LNX1: variants seen among roughly 807,000 people sequenced by gnomAD.
LNX1 encodes ligand of numb-protein X 1.
In LNX1, 54 loss-of-function variants were observed where a neutral mutation model predicts 68.4. The ratio of observed to expected loss-of-function variants is 0.79; its 90% CI spans 0.63 to 0.99. LNX1 has a LOEUF of 0.99. LNX1 is among the 50% of genes least tolerant of loss of function. The probability of loss-of-function intolerance (pLI) is 0.00; values close to 1 mark genes in which losing one functional copy is unlikely to be tolerated. For missense variants in LNX1, 906 were observed against 926.4 expected, an observed-to-expected ratio of 0.98 and a Z score of 0.29; for synonymous variants, 336 against 350.0, an observed-to-expected ratio of 0.96 and a Z score of 0.45.
At chr4:53,526,450 C>CTT (rs5858219) in intron 2 of LNX1, among the ~76,000 whole-genome samples, 4 of 151,768 alleles carry the variant, frequency 2.6e-5, no homozygotes, top group Non-Finnish European at 4.4e-5. Flanking sequence ...AGAATGCCTA[C>CTT]TTTTTGGAAG....
At chr4:53,545,008 T>C (rs576563660) in intron 2 of LNX1, among the ~76,000 whole-genome samples, 1 of 152,102 alleles carries the variant, frequency 6.6e-6, no homozygotes, top group Admixed American at 6.5e-5. Context: ...GTGGAGGGAG[T>C]GGTACCCAGA....
intron 1 of LNX1, among the ~76,000 whole-genome samples, chr4:53,582,454 C>T (rs565439056): frequency 6.6e-6 from 1 of 152,310 alleles, no homozygotes; most frequent in Admixed American, 6.5e-5. Flanking sequence ...TAAGCGAGCC[C>T]AGTCAAGTAA....
chr4:53,638,833 C>T (rs1271108093), intron 1 of LNX1, among the ~76,000 whole-genome samples: 10 of 152,224 alleles, frequency 6.6e-5, no homozygotes, highest in African/African-American at 1.9e-4. Flanking sequence ...AAGCCAAAAA[C>T]AACAGATGTT....
intron 1 of LNX1, among the ~76,000 whole-genome samples, chr4:53,583,040 T>G (rs116708357): frequency 1.8e-3 from 279 of 152,276 alleles, no homozygotes; most frequent in African/African-American, 6.6e-3. Flanking sequence ...ATTGCCAAAG[T>G]TAGGGCAAAG....
chr4:53,581,081 G>A (rs7680855), intron 1 of LNX1, among the ~76,000 whole-genome samples: 41,015 of 151,958 alleles, frequency 0.27, 5,654 homozygotes, highest in Admixed American at 0.31. Context: ...CAGGTGCTCC[G>A]TGTCCCCACC....
intron 2 of LNX1, among the ~76,000 whole-genome samples, chr4:53,612,893 A>T (rs904926244): frequency 1.3e-5 from 2 of 151,892 alleles, no homozygotes; most frequent in African/African-American, 4.8e-5. Context: ...TCAAAAAAAT[A>T]AAAAAGAAGA....
At chr4:53,650,473 T>G (rs920057831) in intron 1 of LNX1, among the ~76,000 whole-genome samples, 3 of 152,130 alleles carry the variant, frequency 2.0e-5, no homozygotes, top group African/African-American at 7.2e-5. Flanking sequence ...CGGCTTCTGA[T>G]GAATGTCAGA....
intron 2 of LNX1, among the ~76,000 whole-genome samples, chr4:53,560,929 C>T (rs1730240763): frequency 6.6e-6 from 1 of 152,226 alleles, no homozygotes; most frequent in Non-Finnish European, 1.5e-5. Context: ...AGAGATTGCT[C>T]CATGGCTTCC....
chr4:53,482,749 C>T (rs570445134), intron 6 of LNX1, among the ~76,000 whole-genome samples: 2 of 152,308 alleles, frequency 1.3e-5, no homozygotes, highest in East Asian at 1.9e-4. Flanking sequence ...CTATTTGGTA[C>T]AGTGTACACT....
chr4:53,474,731 T>C (rs1314056566), intron 9 of LNX1, among the ~76,000 whole-genome samples: 3 of 151,848 alleles, frequency 2.0e-5, no homozygotes, highest in Non-Finnish European at 4.4e-5. Context: ...TCCTTACCAC[T>C]GTCCATTTAG....
chr4:53,524,639 T>A (rs1160646814), intron 2 of LNX1, among the ~76,000 whole-genome samples: 4 of 152,244 alleles, frequency 2.6e-5, no homozygotes. Flanking sequence ...CTCAATATTG[T>A]CTCCAGGGCT....
In LNX1 at chr4:53,493,396, C is replaced by A. The variant is rs115906984; in HGVS notation, c.1350+2627G>T. Among the ~76,000 whole-genome samples the A allele has an allele frequency of 9.6e-3, 1,456 of 152,314 alleles. 22 individuals carry two copies. Among genetic ancestry groups the A allele is most frequent in the African/African-American group, 0.033 (1,391 of 41,552 alleles). On this transcript the variant is annotated intron_variant, in intron 6 of 10. Coordinates refer to ENST00000263925, the MANE Select transcript of LNX1 (RefSeq NM_001126328.3). ...TTGGAACTGGGACACCACCAAGTGG[C>A]ACAGCTCAAAAGCTAAGGTACCACG...
intron 2 of LNX1, among the ~76,000 whole-genome samples, chr4:53,559,942 C>T (rs1577714099): frequency 6.6e-6 from 1 of 152,164 alleles, no homozygotes; most frequent in African/African-American, 2.4e-5. Context: ...ATTACAGGTG[C>T]AAGCCACTGC....
chr4:53,465,473 AAGG>A (rs1487339588), intron 9 of LNX1, among the ~76,000 whole-genome samples: 1 of 152,224 alleles, frequency 6.6e-6, no homozygotes. Context: ...AAATTTTCTG[AAGG>A]AGGCACTGTA....
intron 2 of LNX1, among the ~76,000 whole-genome samples, chr4:53,572,536 A>G (rs1430720551): frequency 2.0e-5 from 3 of 152,184 alleles, no homozygotes; most frequent in African/African-American, 7.2e-5. Context: ...AAGGTATGTG[A>G]CCTTTAAAAA....
intron 2 of LNX1, among the ~76,000 whole-genome samples, chr4:53,540,611 G>A (rs892654099): frequency 1.3e-5 from 2 of 152,018 alleles, no homozygotes; most frequent in East Asian, 1.9e-4. Context: ...GAACCCAGGA[G>A]GGGGAGGTTG....
intron 9 of LNX1, among the ~76,000 whole-genome samples, chr4:53,470,185 A>G (rs1723048858): frequency 6.6e-6 from 1 of 152,252 alleles, no homozygotes; most frequent in African/African-American, 2.4e-5. Flanking sequence ...GGCTGGTTCA[A>G]CATATGCAAA....
intron 2 of LNX1, among the ~76,000 whole-genome samples, chr4:53,554,385 C>G (rs1295861302): frequency 6.6e-6 from 1 of 152,222 alleles, no homozygotes; most frequent in African/African-American, 2.4e-5. Context: ...TCGTTATAAA[C>G]TATTGGCCCT....
intron 2 of LNX1, chr4:53,557,795 A>G: frequency 6.4e-7 from 1 of 1,551,492 alleles, no homozygotes; most frequent in Non-Finnish European, 8.9e-7. Context: ...TGGATATATC[A>G]GCTAGGGAAT....
Sources: allele counts gnomAD v4.1 joint callset (sites outside exome capture counted in the v4.1 genomes callset), GRCh38; gene constraint gnomAD v4.1.1; transcripts MANE v1.5; gene names NCBI Gene and HGNC (gene_info 2026-07-23, HGNC 2026-07-21).